The following FRMD4B variants were observed in gnomAD, a reference collection of about 807,000 sequenced individuals.
FRMD4B encodes FERM domain-containing protein 4B.
FRMD4B carries 74 observed loss-of-function variants against 141.5 expected under a neutral mutation model. That is an observed-to-expected ratio of 0.52 (90% CI 0.43 to 0.63). FRMD4B has a LOEUF of 0.63. FRMD4B is among the 30% of genes least tolerant of loss of function. The pLI, the probability that FRMD4B is intolerant of heterozygous loss-of-function variation, is 0.00. For missense variants in FRMD4B, 1,366 were observed against 1,253.4 expected (o/e 1.09, Z -1.36); for synonymous variants, 506 against 467.9 (o/e 1.08, Z -1.05).
intron 10 of FRMD4B, among the ~76,000 whole-genome samples, chr3:69,217,946 G>C (rs2093157442): frequency 6.6e-6 from 1 of 152,080 alleles, no homozygotes; most frequent in Non-Finnish European, 1.5e-5. Context: ...GTAATACACT[G>C]ATTAAAACAT....
At chr3:69,290,648 C>A (rs770854547) in intron 4 of FRMD4B, among the ~76,000 whole-genome samples, 4 of 152,150 alleles carry the variant, frequency 2.6e-5, no homozygotes, top group Non-Finnish European at 5.9e-5. Flanking sequence ...GCAGCAGGAT[C>A]CCAGCTAACA....
intron 1 of FRMD4B, among the ~76,000 whole-genome samples, chr3:69,327,171 C>T (rs2107313681): frequency 6.6e-6 from 1 of 152,252 alleles, no homozygotes; most frequent in South Asian, 2.1e-4. Context: ...ATGCAAGCAG[C>T]AGACACCCTG....
At chr3:69,257,447 C>CCACTCTGAGTT (rs1440011064) in intron 5 of FRMD4B, among the ~76,000 whole-genome samples, 1 of 152,116 alleles carries the variant, frequency 6.6e-6, no homozygotes, top group African/African-American at 2.4e-5. Flanking sequence ...ACCTTAATGA[C>CCACTCTGAGTT]CACTCTGAGT....
intron 1 of FRMD4B, among the ~76,000 whole-genome samples, chr3:69,507,523 A>T (rs775484512): frequency 1.6e-4 from 24 of 152,200 alleles, no homozygotes; most frequent in Non-Finnish European, 3.1e-4. Context: ...ATACCTACAT[A>T]GTATTTTACG....
intron 1 of FRMD4B, among the ~76,000 whole-genome samples, chr3:69,343,722 G>A (rs1702829080): frequency 6.6e-6 from 1 of 151,768 alleles, no homozygotes; most frequent in East Asian, 1.9e-4. Flanking sequence ...TGGGATTACA[G>A]GTGTGTGCCA....
chr3:69,536,201 G>A (rs12633344), intron 1 of FRMD4B: 82,889 of 578,826 alleles, frequency 0.14, 6,713 homozygotes, highest in South Asian at 0.21. Context: ...CGCGTTAGGA[G>A]GATCCTCCTT....
intron 5 of FRMD4B, among the ~76,000 whole-genome samples, chr3:69,279,904 T>A (rs2093637068): frequency 6.6e-6 from 1 of 152,050 alleles, no homozygotes; most frequent in South Asian, 2.1e-4. Flanking sequence ...ACATTTTCTG[T>A]CTTTTCATTA....
At chr3:69,261,031 A>C (rs546738375) in intron 5 of FRMD4B, among the ~76,000 whole-genome samples, 1 of 152,218 alleles carries the variant, frequency 6.6e-6, no homozygotes, top group South Asian at 2.1e-4. Context: ...GGGTGGGGTC[A>C]GATAAGGGAA....
intron 4 of FRMD4B, among the ~76,000 whole-genome samples, chr3:69,295,407 A>T (rs1701006070): frequency 6.6e-6 from 1 of 151,696 alleles, no homozygotes; most frequent in Non-Finnish European, 1.5e-5. Flanking sequence ...CTGCAGCCTC[A>T]ATGTCCTGGG....
At chr3:69,385,705 G>A (rs1575781708) in intron 1 of FRMD4B, 123 bp downstream of exon 1, 1 of 818,486 alleles carries the variant, frequency 1.2e-6, no homozygotes, top group Admixed American at 3.5e-5. Flanking sequence ...TGACCCAAGG[G>A]CCAAGCAGTC....
At chr3:69,320,075 C>T (rs1203725358) in intron 1 of FRMD4B, among the ~76,000 whole-genome samples, 1 of 152,268 alleles carries the variant, frequency 6.6e-6, no homozygotes, top group Admixed American at 6.5e-5. Flanking sequence ...AATGGATGTG[C>T]CCAAAGCCAC....
intron 2 of FRMD4B, among the ~76,000 whole-genome samples, chr3:69,422,071 A>C (rs1208015783): frequency 1.3e-5 from 2 of 152,206 alleles, no homozygotes; most frequent in Non-Finnish European, 2.9e-5. Flanking sequence ...GTACATTCAT[A>C]GGGATTTGAA....
chr3:69,407,318 T>C (rs563160882), intron 2 of FRMD4B, among the ~76,000 whole-genome samples: 19 of 152,278 alleles, frequency 1.2e-4, no homozygotes, highest in African/African-American at 4.6e-4. Flanking sequence ...AGCCACTTAG[T>C]AAAGGCGAGC....
intron 11 of FRMD4B, 108 bp downstream of exon 11, chr3:69,216,155 A>AG: frequency 1.5e-6 from 1 of 646,608 alleles, no homozygotes; most frequent in Non-Finnish European, 2.7e-6. Flanking sequence ...CTCCATCTCA[A>AG]AAAAAACCAA....
intron 16 of FRMD4B, among the ~76,000 whole-genome samples, chr3:69,194,214 T>C (rs2092874312): frequency 6.6e-6 from 1 of 152,234 alleles, no homozygotes; most frequent in Non-Finnish European, 1.5e-5. Context: ...TAGAGACAGA[T>C]AAATTTGGGT....
chr3:69,243,075 G>A lies in FRMD4B; in HGVS notation c.581+6151C>T, dbSNP rs990209080. ...GGTGATAAAGCCTTGCCTCCTTGCC[G>A]TGTCAGCTTTCAGGAATTCTCTGTT... On this transcript the variant is annotated intron_variant, in intron 7 of 22. Coordinates refer to ENST00000398540, the MANE Select transcript of FRMD4B (RefSeq NM_015123.3). 3.3e-5 allele frequency among the ~76,000 whole-genome samples: 5 copies of A among 150,902 alleles called. No homozygotes were observed. In the South Asian group the frequency reaches 6.3e-4, roughly 19 times the overall value.
chr3:69,231,423 G>C (rs2093304631), intron 7 of FRMD4B, among the ~76,000 whole-genome samples: 1 of 152,156 alleles, frequency 6.6e-6, no homozygotes, highest in South Asian at 2.1e-4. Flanking sequence ...CAGTAGGTGG[G>C]ACTACAGGTA....
At chr3:69,418,294 T>C (rs970832591) in intron 2 of FRMD4B, among the ~76,000 whole-genome samples, 5 of 152,182 alleles carry the variant, frequency 3.3e-5, no homozygotes, top group African/African-American at 1.2e-4. Context: ...ATTACTACTC[T>C]GAATTGGGCT....
At chr3:69,177,530 G>A (rs1428399255) in intron 21 of FRMD4B, among the ~76,000 whole-genome samples, 1 of 151,994 alleles carries the variant, frequency 6.6e-6, no homozygotes, top group Non-Finnish European at 1.5e-5. Flanking sequence ...CACACCTGTA[G>A]TCCCAGCAAC....
Sources: gnomAD v4.1 joint callset for allele counts (sites outside exome capture counted in the v4.1 genomes callset) on GRCh38, gnomAD v4.1.1 for gene constraint, MANE v1.5 for transcripts, NCBI Gene and HGNC (gene_info 2026-07-23, HGNC 2026-07-21) for gene names.